Variants in CNTN1 observed in about 807,000 individuals in gnomAD.
CNTN1 encodes the protein contactin 1.
In CNTN1, 38 loss-of-function variants were observed where a neutral mutation model predicts 126.4. The ratio of observed to expected loss-of-function variants is 0.30; its 90% CI spans 0.23 to 0.39. The LOEUF is 0.39. Ranked by LOEUF, CNTN1 falls within the 10% of genes least tolerant of loss-of-function variation. The probability of loss-of-function intolerance (pLI) is 1.00; values close to 1 mark genes in which losing one functional copy is unlikely to be tolerated. For synonymous variants in CNTN1, 413 were observed against 422.6 expected (o/e 0.98, Z 0.28); for missense variants, 1,009 against 1,248.4 (o/e 0.81, Z 2.89).
chr12:40,835,799 T>TACACACACACACAC (rs10556497), intron 1 of CNTN1, among the ~76,000 whole-genome samples: 20 of 142,446 alleles, frequency 1.4e-4, no homozygotes, highest in African/African-American at 5.2e-4. Flanking sequence ...ATGCTATTTA[T>TACACACACACACAC]ACACACACAC....
chr12:41,058,498 A>C (rs1262181417), intron 23 of CNTN1, among the ~76,000 whole-genome samples: 1 of 152,158 alleles, frequency 6.6e-6, no homozygotes, highest in African/African-American at 2.4e-5. Flanking sequence ...TTTCTTAAAG[A>C]ATTTCCCAGA....
At chr12:40,714,914 T>C (rs901409461) in intron 1 of CNTN1, among the ~76,000 whole-genome samples, 19 of 152,108 alleles carry the variant, frequency 1.2e-4, no homozygotes, top group African/African-American at 4.6e-4. Flanking sequence ...AAATATTGAC[T>C]TTAGACAAGA....
At position 40,720,980 on chromosome 12, in the gene CNTN1, A is replaced by ATTT. The variant is rs1384977523; in HGVS notation, c.-77+28388_-77+28389insTTT. On this transcript the variant is annotated intron_variant, in intron 1 of 23. Coordinates refer to ENST00000551295, the MANE Select transcript of CNTN1 (RefSeq NM_001843.4). Reference sequence around the variant, plus strand: ...ATATATATATGTGTATATATGTTATAACATATATACACATATATTTATACA... The same window carrying ATTT: ...ATATATATATGTGTATATATGTTATATTTACATATATACACATATATTTATACA... 4.8e-5 allele frequency among the ~76,000 whole-genome samples: 7 copies of ATTT among 144,556 alleles called. No individual in the cohort carries two copies. The East Asian group carries it at 1.4e-3, about 28-fold the overall frequency. 94.8% of individuals were successfully genotyped at this position (144,556 alleles called of 152,430 possible). A position where few individuals can be genotyped will look rare whatever the true frequency, so the allele number is the denominator to read the frequency against.
chr12:40,740,432 C>A (rs1351515706), intron 1 of CNTN1, among the ~76,000 whole-genome samples: 3 of 152,088 alleles, frequency 2.0e-5, no homozygotes, highest in Non-Finnish European at 2.9e-5. Flanking sequence ...CTTCAAGTTT[C>A]TCCTAAAACC....
intron 23 of CNTN1, among the ~76,000 whole-genome samples, chr12:41,048,176 A>T (rs1949587864): frequency 6.6e-6 from 1 of 152,214 alleles, no homozygotes; most frequent in Admixed American, 6.6e-5. Context: ...AGGTGGCCAG[A>T]GAAGAATGCC....
chr12:40,701,528 G>C (rs1259048001), intron 1 of CNTN1, among the ~76,000 whole-genome samples: 1 of 151,946 alleles, frequency 6.6e-6, no homozygotes, highest in Non-Finnish European at 1.5e-5. Flanking sequence ...TAATATTCTA[G>C]CTTGAAAAGC....
At chr12:40,736,593 A>G (rs1304101656) in intron 1 of CNTN1, among the ~76,000 whole-genome samples, 4 of 152,122 alleles carry the variant, frequency 2.6e-5, no homozygotes, top group Non-Finnish European at 4.4e-5. Context: ...AGCATTATAT[A>G]TGAAGACCTA....
At chr12:40,887,299 G>C (rs1238938686) in intron 1 of CNTN1, among the ~76,000 whole-genome samples, 1 of 151,784 alleles carries the variant, frequency 6.6e-6, no homozygotes, top group Non-Finnish European at 1.5e-5. Flanking sequence ...TTGTAAGTTG[G>C]ATTCCTAGAA....
intron 1 of CNTN1, among the ~76,000 whole-genome samples, chr12:40,868,749 T>C (rs1234307212): frequency 6.6e-6 from 1 of 152,148 alleles, no homozygotes; most frequent in Non-Finnish European, 1.5e-5. Context: ...TTTCATGGTC[T>C]TTGTCTCTAC....
intron 15 of CNTN1, among the ~76,000 whole-genome samples, chr12:40,977,188 A>T (rs1461452166): frequency 6.6e-6 from 1 of 151,972 alleles, no homozygotes; most frequent in Non-Finnish European, 1.5e-5. Context: ...AGATTTAAGG[A>T]TTTTCTGATT....
At chr12:40,993,065 T>C in intron 16 of CNTN1, 55 bp from the exon 17 acceptor site, 1 of 1,511,588 alleles carries the variant, frequency 6.6e-7, no homozygotes. Context: ...AGGGAAGTTA[T>C]AAAAGTGATA....
chr12:40,823,949 T>C (rs117780477), intron 1 of CNTN1, among the ~76,000 whole-genome samples: 10 of 152,262 alleles, frequency 6.6e-5, no homozygotes, highest in Non-Finnish European at 1.2e-4. Context: ...CATCACCATA[T>C]CCTTACATTT....
chr12:41,070,406 A>T lies in CNTN1; in HGVS notation c.*371A>T. ...ATATACAGGTGCTTTAAATTTAATA[A>T]CAAGTTGTGAAATATAATAGAGATT... On this transcript the variant is annotated 3_prime_UTR_variant, in exon 24 of 24. Coordinates refer to ENST00000551295, the MANE Select transcript of CNTN1 (RefSeq NM_001843.4). 3.2e-6 allele frequency: 1 copy of T among 311,892 alleles called. No individual in the cohort carries two copies. The highest frequency in any genetic ancestry group is 6.2e-6 in the Non-Finnish European group (1 of 161,506). The allele number at this position is 311,892 out of a possible 1,614,324, so 19.3% of individuals were successfully genotyped here. A position where few individuals can be genotyped will look rare whatever the true frequency, so the allele number is the denominator to read the frequency against.
chr12:40,868,640 C>T (rs1943381964), intron 1 of CNTN1, among the ~76,000 whole-genome samples: 1 of 152,154 alleles, frequency 6.6e-6, no homozygotes, highest in Non-Finnish European at 1.5e-5. Context: ...CTCTTTGCTC[C>T]TCTTGATGCT....
chr12:40,694,070 C>T lies in CNTN1; in HGVS notation c.-77+1478C>T, dbSNP rs577694668. On this transcript the variant is annotated intron_variant, in intron 1 of 23. Transcript: ENST00000551295. ...TAACGCAAATCAAATTAATACATGC[C>T]GTATCTGGGATATTTTATTAGACTC... 8.5e-5 allele frequency among the ~76,000 whole-genome samples: 13 copies of T among 152,210 alleles called. 1 individual carries two copies. The South Asian group carries it at 1.5e-3, about 17-fold the overall frequency.
intron 1 of CNTN1, among the ~76,000 whole-genome samples, chr12:40,696,091 G>A (rs1289893583): frequency 1.3e-5 from 2 of 152,178 alleles, no homozygotes; most frequent in Admixed American, 6.5e-5. Flanking sequence ...GAGATAATGC[G>A]TGTTAAACAT....
intron 1 of CNTN1, among the ~76,000 whole-genome samples, chr12:40,749,225 C>G (rs1756956370): frequency 6.6e-6 from 1 of 152,016 alleles, no homozygotes; most frequent in Non-Finnish European, 1.5e-5. Context: ...TAAGGTTAAT[C>G]ATTATAAATT....
chr12:41,046,199 A>C (rs1032385157), intron 23 of CNTN1, among the ~76,000 whole-genome samples: 1 of 152,086 alleles, frequency 6.6e-6, no homozygotes, highest in African/African-American at 2.4e-5. Flanking sequence ...TGCCTCAGCC[A>C]CCCACTCATG....
intron 1 of CNTN1, among the ~76,000 whole-genome samples, chr12:40,830,655 T>TTTC (rs1941778539): frequency 1.3e-5 from 2 of 149,888 alleles, no homozygotes; most frequent in Admixed American, 1.3e-4. Flanking sequence ...GACAATAATA[T>TTTC]TTTAAAGTAG....
Sources: gnomAD v4.1 joint callset for allele counts (sites outside exome capture counted in the v4.1 genomes callset) on GRCh38, gnomAD v4.1.1 for gene constraint, MANE v1.5 for transcripts, NCBI Gene and HGNC (gene_info 2026-07-23, HGNC 2026-07-21) for gene names.